RAB3IP: variants seen among roughly 807,000 people sequenced by gnomAD.
RAB3IP encodes RAB3A interacting protein.
A neutral mutation model predicts 59.1 loss-of-function variants in RAB3IP; 36 were observed. That is an observed-to-expected ratio of 0.61 (90% confidence interval 0.47 to 0.80). The LOEUF (loss-of-function observed/expected upper bound fraction) is 0.80. Ranked by LOEUF, RAB3IP falls within the 30% of genes least tolerant of loss-of-function variation. The probability of loss-of-function intolerance (pLI) is 0.00; values close to 1 mark genes in which losing one functional copy is unlikely to be tolerated. For synonymous variants in RAB3IP, 207 were observed against 191.2 expected (o/e 1.08, Z -0.68); for missense variants, 511 against 536.0 (o/e 0.95, Z 0.46).
chr12:69,809,299 G>A (rs1402870789), intron 8 of RAB3IP, among the ~76,000 whole-genome samples: 1 of 152,136 alleles, frequency 6.6e-6, no homozygotes, highest in African/African-American at 2.4e-5. Context: ...CCCTTTGTGG[G>A]TAACCCGACC....
chr12:69,795,479 C>G, intron 6 of RAB3IP, 135 bp downstream of exon 6: 1 of 681,446 alleles, frequency 1.5e-6, no homozygotes. Flanking sequence ...GAGGCTTTAT[C>G]TAGAGCTGGC....
chr12:69,780,768 C>G (rs1874558783), intron 3 of RAB3IP, among the ~76,000 whole-genome samples: 1 of 151,798 alleles, frequency 6.6e-6, no homozygotes, highest in Non-Finnish European at 1.5e-5. Flanking sequence ...GCAGATGAAG[C>G]TTGCTGCCTA....
intron 4 of RAB3IP, among the ~76,000 whole-genome samples, chr12:69,790,265 T>TA (rs968215633): frequency 4.6e-5 from 7 of 152,214 alleles, no homozygotes; most frequent in Admixed American, 2.0e-4. Flanking sequence ...GACAACCAGT[T>TA]ACCTGAAAAG....
At chr12:69,759,440 C>T (rs1467373932) in intron 3 of RAB3IP, among the ~76,000 whole-genome samples, 1 of 152,054 alleles carries the variant, frequency 6.6e-6, no homozygotes, top group Non-Finnish European at 1.5e-5. Flanking sequence ...ACCTTTCCCC[C>T]TTTTCTATTC....
At chr12:69,760,116 G>A (rs1330727234) in intron 3 of RAB3IP, among the ~76,000 whole-genome samples, 6 of 152,250 alleles carry the variant, frequency 3.9e-5, no homozygotes, top group East Asian at 1.9e-4. Flanking sequence ...ATGAGACTCC[G>A]TCTGCAATCC....
intron 3 of RAB3IP, among the ~76,000 whole-genome samples, chr12:69,769,507 C>T (rs573338048): frequency 6.6e-6 from 1 of 152,316 alleles, no homozygotes; most frequent in African/African-American, 2.4e-5. Context: ...GGCTGTTTGT[C>T]AGCATTCTCC....
At chr12:69,766,535 T>TC (rs1479785248) in intron 3 of RAB3IP, among the ~76,000 whole-genome samples, 2 of 151,738 alleles carry the variant, frequency 1.3e-5, no homozygotes, top group Non-Finnish European at 2.9e-5. Flanking sequence ...TTTCTTTTTT[T>TC]TTTTAAGACA....
chr12:69,816,069 A>T lies in RAB3IP; in HGVS notation c.*623A>T, dbSNP rs1194517646. On this transcript the variant is annotated 3_prime_UTR_variant, in exon 11 of 11. Coordinates refer to ENST00000247833, the MANE Select transcript of RAB3IP (RefSeq NM_022456.5). ...AGAAGGCAGTCAGATTTTATCCCAG[A>T]GATGTATTCCTGAGTGTCTTGATAT... The T allele has an allele frequency of 6.6e-6, 1 of 152,278 alleles. No homozygotes were observed. Among genetic ancestry groups the T allele is most frequent in the East Asian group, 1.9e-4 (1 of 5,206 alleles). 9.4% of individuals were successfully genotyped at this position (152,278 alleles called of 1,614,324 possible).
chr12:69,756,527 CAG>C lies in RAB3IP; in HGVS notation c.377_378del (p.Glu126GlyfsTer6), dbSNP rs1396565811. On this transcript the variant is annotated frameshift_variant, in exon 3 of 11. Transcript: ENST00000247833. LOFTEE classifies it high-confidence loss of function. ...GAGTTTTTACAGGGTGCTACTATAA[CAG>C]AGGCTTGCGATGGCAGTGATGATAT... The C allele has an allele frequency of 1.2e-6, 2 of 1,614,120 alleles. No individual in the cohort carries two copies. The highest frequency in any genetic ancestry group is 3.3e-5 in the Admixed American group (2 of 60,022).
At chr12:69,784,038 A>G (rs746731673) in intron 3 of RAB3IP, among the ~76,000 whole-genome samples, 6 of 152,100 alleles carry the variant, frequency 3.9e-5, no homozygotes, top group Admixed American at 6.5e-5. Flanking sequence ...CTCCCCCCCT[A>G]TGTTTGAAAG....
rs745770622 is a variant in RAB3IP, at chr12:69,819,474, G to C, written c.*4028G>C. ...ATCTAAATTCAGTAAGGTCAGTCCA[G>C]GAGAAAATTTGGGGAGTAGTTAGCC... On this transcript the variant is annotated 3_prime_UTR_variant, in exon 11 of 11. Transcript: ENST00000247833. 6.6e-6 allele frequency: 1 copy of C among 152,386 alleles called. No homozygotes were observed. Among genetic ancestry groups the C allele is most frequent in the Non-Finnish European group, 1.5e-5 (1 of 68,216 alleles). The allele number at this position is 152,386 out of a possible 1,614,324, so 9.4% of individuals were successfully genotyped here. A position where few individuals can be genotyped will look rare whatever the true frequency, so the allele number is the denominator to read the frequency against.
At chr12:69,789,425 T>C (rs1876252080) in intron 4 of RAB3IP, among the ~76,000 whole-genome samples, 1 of 152,106 alleles carries the variant, frequency 6.6e-6, no homozygotes, top group South Asian at 2.1e-4. Flanking sequence ...CTCAGTTTTC[T>C]GGAATCAAAT....
chr12:69,808,834 G>A (rs1222574125), intron 8 of RAB3IP, among the ~76,000 whole-genome samples: 1 of 152,018 alleles, frequency 6.6e-6, no homozygotes, highest in African/African-American at 2.4e-5. Context: ...GCATACTGAT[G>A]GGTCTTGACT....
chr12:69,798,442 A>G (rs1024545647), intron 6 of RAB3IP, among the ~76,000 whole-genome samples: 52 of 151,538 alleles, frequency 3.4e-4, no homozygotes, highest in African/African-American at 1.1e-3. Flanking sequence ...TCAGATGAGT[A>G]GGTTGCGAAA....
Position 69,756,507 on chromosome 12 carries a change from T to G in RAB3IP, c.354T>G (p.Phe118Leu). 8.1e-6 allele frequency: 13 copies of G among 1,614,096 alleles called. No homozygotes were observed. The highest frequency in any genetic ancestry group is 1.1e-5 in the Non-Finnish European group (13 of 1,179,994). ...RKDNYNAERE[F>L]LQGATITEAC... Reference sequence around the variant, plus strand: ...ACAACTATAATGCAGAGAGAGAGTTTTTACAGGGTGCTACTATAACAGAGG... The same window carrying G: ...ACAACTATAATGCAGAGAGAGAGTTGTTACAGGGTGCTACTATAACAGAGG... The change falls in exon 3 of 11, where the codon TTT (phenylalanine) becomes TTG (leucine). Residue 118 changes from phenylalanine (F) to leucine (L), a missense_variant. Phe to Leu is a conservative substitution (Grantham distance 22). Coordinates refer to ENST00000247833, the MANE Select transcript of RAB3IP (RefSeq NM_022456.5).
intron 8 of RAB3IP, among the ~76,000 whole-genome samples, chr12:69,805,740 A>G (rs539034303): frequency 1.4e-4 from 22 of 152,264 alleles, no homozygotes; most frequent in African/African-American, 4.8e-4. Flanking sequence ...CCTTTTCTGC[A>G]TCTATTGAGA....
chr12:69,763,212 A>AT (rs1871643343), intron 3 of RAB3IP, among the ~76,000 whole-genome samples: 1 of 152,158 alleles, frequency 6.6e-6, no homozygotes, highest in South Asian at 2.1e-4. Context: ...ATGCCTAATG[A>AT]TTTTTCATGG....
chr12:69,761,619 T>C (rs538979550), intron 3 of RAB3IP, among the ~76,000 whole-genome samples: 287 of 152,312 alleles, frequency 1.9e-3, no homozygotes, highest in South Asian at 3.3e-3. Flanking sequence ...CTGAGATTCA[T>C]GAGGATAAGG....
At chr12:69,791,395 G>A (rs1395228599) in intron 4 of RAB3IP, among the ~76,000 whole-genome samples, 2 of 152,028 alleles carry the variant, frequency 1.3e-5, no homozygotes, top group Non-Finnish European at 2.9e-5. Context: ...ATGAAGAAGC[G>A]GCATACTGAA....
Sources: gnomAD v4.1 joint callset for allele counts (sites outside exome capture counted in the v4.1 genomes callset) on GRCh38, gnomAD v4.1.1 for gene constraint, MANE v1.5 for transcripts, NCBI Gene and HGNC (gene_info 2026-07-23, HGNC 2026-07-21) for gene names.